Variants in WDR7 observed in about 807,000 individuals in gnomAD.
WDR7 encodes WD repeat-containing protein 7.
Under a neutral mutation model 169.4 loss-of-function variants are expected in WDR7, and 46 were observed. That is an observed-to-expected ratio of 0.27 (90% confidence interval 0.21 to 0.35). The LOEUF (loss-of-function observed/expected upper bound fraction) is 0.35. WDR7 is among the 10% of genes least tolerant of loss of function. The pLI is 1.00. For missense variants in WDR7, 1,534 were observed against 1,859.3 expected (o/e 0.83, Z 3.22); for synonymous variants, 612 against 666.8 (o/e 0.92, Z 1.27).
chr18:56,915,597 T>G (rs1269005600), intron 21 of WDR7, among the ~76,000 whole-genome samples: 1 of 152,260 alleles, frequency 6.6e-6, no homozygotes, highest in East Asian at 1.9e-4. Flanking sequence ...GGAATGAAAT[T>G]GTCTTAACTA....
intron 21 of WDR7, among the ~76,000 whole-genome samples, chr18:56,902,558 G>A (rs921541553): frequency 1.3e-5 from 2 of 152,164 alleles, no homozygotes; most frequent in African/African-American, 2.4e-5. Flanking sequence ...TGTGTTGCAG[G>A]TGTAGTGGTA....
At chr18:56,822,899 A>G (rs2045123126) in intron 20 of WDR7, among the ~76,000 whole-genome samples, 1 of 152,164 alleles carries the variant, frequency 6.6e-6, no homozygotes. Context: ...TGTCATTTCA[A>G]ATAATTTACC....
At chr18:56,725,134 A>G (rs1451191771) in intron 13 of WDR7, among the ~76,000 whole-genome samples, 1 of 150,726 alleles carries the variant, frequency 6.6e-6, no homozygotes, top group African/African-American at 2.5e-5. Flanking sequence ...GTGTCTTTAT[A>G]GCCGCATGAT....
At position 56,735,732 on chromosome 18, in the gene WDR7, G is replaced by C. The variant is rs1362411481; in HGVS notation, c.1989+4135G>C. ...GATAGTAAATATTTTAGGCTTTGTG[G>C]ACTGCCTCTTTCACAGTGACTTAAC... is the stretch of plus-strand genomic sequence containing the variant. On this transcript the variant is annotated intron_variant, in intron 14 of 27. Transcript: ENST00000254442. Among the ~76,000 whole-genome samples the C allele has an allele frequency of 1.3e-5, 2 of 152,170 alleles. 1 individual carries two copies. Among genetic ancestry groups the C allele is most frequent in the East Asian group, 3.8e-4 (2 of 5,198 alleles).
chr18:56,773,457 G>A (rs900767638), intron 16 of WDR7, among the ~76,000 whole-genome samples: 2 of 151,840 alleles, frequency 1.3e-5, no homozygotes, highest in Non-Finnish European at 2.9e-5. Flanking sequence ...AGGAAATATC[G>A]AATGGGAATT....
At chr18:56,930,302 G>A (rs2046864203) in intron 22 of WDR7, among the ~76,000 whole-genome samples, 1 of 152,142 alleles carries the variant, frequency 6.6e-6, no homozygotes, top group Non-Finnish European at 1.5e-5. Context: ...TCAAATCTCA[G>A]CCATTCTTGA....
chr18:56,705,061 G>A (rs1460795533), intron 12 of WDR7, among the ~76,000 whole-genome samples: 1 of 152,050 alleles, frequency 6.6e-6, no homozygotes, highest in Non-Finnish European at 1.5e-5. Context: ...TTGAACTCCT[G>A]GCCTCAAGTG....
In WDR7 at chr18:56,679,452, C is replaced by T. The variant is rs1335721196; in HGVS notation, c.266+14C>T. 6.3e-7 allele frequency: 1 copy of T among 1,578,778 alleles called. No individual in the cohort carries two copies. Among genetic ancestry groups the T allele is most frequent in the Non-Finnish European group, 8.7e-7 (1 of 1,151,394 alleles). Reference sequence around the variant, plus strand: ...ATCTGAAAGTGGGTAAGTATTTTCTCATTTGCCTCTTTTTCTCATGAGTCT... The same window carrying T: ...ATCTGAAAGTGGGTAAGTATTTTCTTATTTGCCTCTTTTTCTCATGAGTCT... On this transcript the variant is annotated intron_variant, in intron 3 of 27. Coordinates refer to ENST00000254442, the MANE Select transcript of WDR7 (RefSeq NM_015285.3).
intron 22 of WDR7, among the ~76,000 whole-genome samples, chr18:56,927,252 TCTC>T (rs1159619036): frequency 2.0e-5 from 3 of 152,034 alleles, no homozygotes; most frequent in African/African-American, 7.2e-5. Flanking sequence ...TGTCCCGACA[TCTC>T]CTGCTGAGCT....
chr18:56,772,445 A>G (rs1362127329), intron 16 of WDR7, among the ~76,000 whole-genome samples: 3 of 152,160 alleles, frequency 2.0e-5, no homozygotes, highest in Non-Finnish European at 2.9e-5. Flanking sequence ...AGGAAAAATG[A>G]CACTGCTCTG....
chr18:56,681,152 G>A (rs537539939), intron 3 of WDR7, among the ~76,000 whole-genome samples, 161 bp from the exon 4 acceptor site: 2 of 152,262 alleles, frequency 1.3e-5, no homozygotes, highest in African/African-American at 2.4e-5. Context: ...TAGGAGGGTC[G>A]AGGGAGGACT....
intron 20 of WDR7, among the ~76,000 whole-genome samples, chr18:56,836,853 C>A (rs1477945439): frequency 2.0e-5 from 3 of 152,108 alleles, no homozygotes; most frequent in African/African-American, 7.2e-5. Context: ...TTCAGTAATA[C>A]CTTTTTGTCA....
At chr18:56,865,384 A>G (rs920649168) in intron 20 of WDR7, among the ~76,000 whole-genome samples, 1 of 152,148 alleles carries the variant, frequency 6.6e-6, no homozygotes, top group Non-Finnish European at 1.5e-5. Context: ...ATCGGCTTAG[A>G]ATAGCACTAG....
chr18:56,891,135 A>C (rs2046257966), intron 21 of WDR7, among the ~76,000 whole-genome samples: 2 of 152,170 alleles, frequency 1.3e-5, no homozygotes, highest in Non-Finnish European at 2.9e-5. Flanking sequence ...TAGTCATTAA[A>C]CTACCTTAAT....
intron 20 of WDR7, among the ~76,000 whole-genome samples, chr18:56,859,073 C>G (rs1362867719): frequency 6.6e-6 from 1 of 152,104 alleles, no homozygotes; most frequent in African/African-American, 2.4e-5. Context: ...TTCTTCTTGT[C>G]AAATCTGAAT....
chr18:56,966,120 A>G (rs534353902), intron 26 of WDR7, among the ~76,000 whole-genome samples: 2 of 152,328 alleles, frequency 1.3e-5, no homozygotes, highest in East Asian at 3.9e-4. Context: ...GGGGTCTTGC[A>G]GTGAGGGAGA....
intron 17 of WDR7, among the ~76,000 whole-genome samples, chr18:56,778,727 A>C (rs1318345075): frequency 6.6e-6 from 1 of 152,202 alleles, no homozygotes; most frequent in Non-Finnish European, 1.5e-5. Flanking sequence ...ATTGTGAATT[A>C]GAATTTTAGA....
chr18:56,702,005 G>A (rs1183745081), intron 12 of WDR7, among the ~76,000 whole-genome samples: 14 of 152,326 alleles, frequency 9.2e-5, no homozygotes, highest in Non-Finnish European at 1.5e-5. Context: ...TCAGATTGGA[G>A]TAGTTGTGAG....
chr18:56,798,805 T>A (rs575282392), intron 19 of WDR7, among the ~76,000 whole-genome samples: 22 of 152,346 alleles, frequency 1.4e-4, no homozygotes, highest in African/African-American at 5.3e-4. Context: ...ATATATAAAA[T>A]AGATCTTATA....
Sources: gnomAD v4.1 joint callset for allele counts (sites outside exome capture counted in the v4.1 genomes callset) on GRCh38, gnomAD v4.1.1 for gene constraint, MANE v1.5 for transcripts, NCBI Gene and HGNC (gene_info 2026-07-23, HGNC 2026-07-21) for gene names.